SLC35F3: variants seen among roughly 807,000 people sequenced by gnomAD.
The protein encoded by SLC35F3 is putative thiamine transporter SLC35F3.
Under a neutral mutation model 49.9 loss-of-function variants are expected in SLC35F3, and 25 were observed. The observed-to-expected ratio is 0.50, with a 90% confidence interval of 0.37 to 0.70. SLC35F3 has a LOEUF of 0.70. Among genes scored for constraint, SLC35F3 ranks in the 30% least tolerant of loss-of-function variants. The pLI, the probability that SLC35F3 is intolerant of heterozygous loss-of-function variation, is 0.00. For synonymous variants in SLC35F3, 275 were observed against 265.4 expected (o/e 1.04, Z -0.35); for missense variants, 525 against 639.8 (o/e 0.82, Z 1.94).
At chr1:233,976,010 C>T (rs778113288) in intron 2 of SLC35F3, among the ~76,000 whole-genome samples, 1 of 152,092 alleles carries the variant, frequency 6.6e-6, no homozygotes, top group African/African-American at 2.4e-5. Flanking sequence ...AATCCTGAAA[C>T]GTAAGATCAT....
chr1:234,145,067 T>C (rs1665976621), intron 2 of SLC35F3, among the ~76,000 whole-genome samples: 1 of 152,218 alleles, frequency 6.6e-6, no homozygotes, highest in East Asian at 1.9e-4. Context: ...AAAGGAAATA[T>C]TAAACAGCGC....
chr1:234,088,192 T>G (rs1664988173), intron 2 of SLC35F3, among the ~76,000 whole-genome samples: 1 of 152,176 alleles, frequency 6.6e-6, no homozygotes, highest in Admixed American at 6.5e-5. Flanking sequence ...AGAGTCTCAC[T>G]CTGTTGTTTT....
intron 2 of SLC35F3, among the ~76,000 whole-genome samples, chr1:234,097,398 C>A (rs1352987544): frequency 6.6e-6 from 1 of 152,166 alleles, no homozygotes; most frequent in Non-Finnish European, 1.5e-5. Context: ...CCTTGTACAG[C>A]ATGACCTCAT....
At chr1:234,131,583 G>A (rs12062152) in intron 2 of SLC35F3, among the ~76,000 whole-genome samples, 11,741 of 152,260 alleles carry the variant, frequency 0.077, 737 homozygotes, top group African/African-American at 0.17. Context: ...GTTAAAGACT[G>A]TGATGTTCAT....
At chr1:234,120,992 G>A (rs908331615) in intron 2 of SLC35F3, among the ~76,000 whole-genome samples, 7 of 152,088 alleles carry the variant, frequency 4.6e-5, no homozygotes, top group Admixed American at 2.0e-4. Context: ...CATGGGATGC[G>A]ACATATTTAA....
At chr1:234,042,981 T>C (rs1258934905) in intron 2 of SLC35F3, among the ~76,000 whole-genome samples, 1 of 152,260 alleles carries the variant, frequency 6.6e-6, no homozygotes, top group Non-Finnish European at 1.5e-5. Context: ...CTAAGTAATA[T>C]GCTTATAACT....
At chr1:234,273,788 A>G (rs1338801221) in intron 3 of SLC35F3, among the ~76,000 whole-genome samples, 9 of 152,108 alleles carry the variant, frequency 5.9e-5, no homozygotes, top group African/African-American at 1.9e-4. Context: ...TTTTTAGGAT[A>G]CTTGAGGGCT....
intron 2 of SLC35F3, among the ~76,000 whole-genome samples, chr1:233,948,832 G>A (rs563083073): frequency 2.6e-5 from 4 of 151,358 alleles, no homozygotes; most frequent in African/African-American, 9.7e-5. Flanking sequence ...TTGTTCTTGC[G>A]ATAGTTTACT....
At chr1:234,301,516 G>T (rs1466878700) in intron 3 of SLC35F3, among the ~76,000 whole-genome samples, 1 of 152,168 alleles carries the variant, frequency 6.6e-6, no homozygotes, top group Non-Finnish European at 1.5e-5. Context: ...AGTCAGAATG[G>T]CAATTATTAA....
At chr1:234,203,722 A>C (rs1572093476) in intron 2 of SLC35F3, among the ~76,000 whole-genome samples, 1 of 147,306 alleles carries the variant, frequency 6.8e-6, no homozygotes, top group South Asian at 2.1e-4. Flanking sequence ...AAAAAAAAAA[A>C]GAATGGCTTC....
intron 2 of SLC35F3, among the ~76,000 whole-genome samples, chr1:234,099,464 G>A (rs1392114867): frequency 1.3e-5 from 2 of 152,026 alleles, no homozygotes; most frequent in African/African-American, 4.8e-5. Flanking sequence ...ACAAAAATTA[G>A]CTGGGTGTGG....
At chr1:234,078,333 T>TG in intron 2 of SLC35F3, among the ~76,000 whole-genome samples, 1 of 152,332 alleles carries the variant, frequency 6.6e-6, no homozygotes, top group South Asian at 2.1e-4. Flanking sequence ...CCACACTCAC[T>TG]GCTCCATTTC....
intron 2 of SLC35F3, among the ~76,000 whole-genome samples, chr1:233,999,525 A>C (rs10797522): frequency 0.12 from 18,972 of 152,006 alleles, 1,857 homozygotes; most frequent in East Asian, 0.42. Flanking sequence ...GCTTTGCCGG[A>C]CTGTTTGCTG....
At chr1:233,995,083 A>G (rs1663435996) in intron 2 of SLC35F3, among the ~76,000 whole-genome samples, 1 of 152,260 alleles carries the variant, frequency 6.6e-6, no homozygotes, top group African/African-American at 2.4e-5. Flanking sequence ...TGTGCAATGC[A>G]CAGCACAATG....
intron 2 of SLC35F3, among the ~76,000 whole-genome samples, chr1:234,194,758 A>T: frequency 6.6e-6 from 1 of 152,230 alleles, no homozygotes; most frequent in South Asian, 2.1e-4. Context: ...GTGATATTGG[A>T]GGAGGTGATT....
At chr1:234,259,294 C>A (rs1012980720) in intron 3 of SLC35F3, among the ~76,000 whole-genome samples, 2 of 152,160 alleles carry the variant, frequency 1.3e-5, no homozygotes, top group Non-Finnish European at 2.9e-5. Context: ...AAGCCTTAAA[C>A]GAAAACCTAT....
chr1:233,916,043 A>G (rs905444178), intron 2 of SLC35F3, among the ~76,000 whole-genome samples: 5 of 152,194 alleles, frequency 3.3e-5, no homozygotes, highest in Admixed American at 3.3e-4. Flanking sequence ...AACATTTTCC[A>G]TGGCAAAAGT....
chr1:234,243,347 CA>C (rs917901941), intron 3 of SLC35F3, among the ~76,000 whole-genome samples: 8 of 150,542 alleles, frequency 5.3e-5, no homozygotes, highest in Admixed American at 3.3e-4. Flanking sequence ...GACTCCGCCT[CA>C]AAAAAAAATA....
chr1:234,104,000 T>C (rs1285598591), intron 2 of SLC35F3, among the ~76,000 whole-genome samples: 1 of 152,228 alleles, frequency 6.6e-6, no homozygotes, highest in Admixed American at 6.5e-5. Flanking sequence ...GCAAGTCAGC[T>C]GACCCACCAC....
Sources: allele counts gnomAD v4.1 joint callset (sites outside exome capture counted in the v4.1 genomes callset), GRCh38; gene constraint gnomAD v4.1.1; transcripts MANE v1.5; gene names NCBI Gene and HGNC (gene_info 2026-07-23, HGNC 2026-07-21).